Variants in CSTF2 observed in about 807,000 individuals in gnomAD.
CSTF2 encodes cleavage stimulation factor subunit 2.
CSTF2 carries 8 observed loss-of-function variants against 45.4 expected under a neutral mutation model. The observed-to-expected ratio is 0.18, with a 90% CI of 0.10 to 0.32. The LOEUF (loss-of-function observed/expected upper bound fraction) is 0.32. CSTF2 is among the 10% of genes least tolerant of loss of function. The pLI, the probability that CSTF2 is intolerant of heterozygous loss-of-function variation, is 1.00. For synonymous variants in CSTF2, 155 were observed against 158.9 expected (o/e 0.98, Z 0.18); for missense variants, 253 against 477.1 (o/e 0.53, Z 4.38).
chrX:100,822,207 T>C, intron 2 of CSTF2, 44 bp from the exon 3 acceptor site: 8 of 1,094,107 alleles, frequency 7.3e-6, no homozygotes, highest in Non-Finnish European at 1.0e-5. Context: ...AGGAACCCTG[T>C]ATGTGTGTAA....
At position 100,826,054 on chromosome X, in the gene CSTF2, A is replaced by G. The variant is rs145948218; in HGVS notation, c.703-580A>G. The stretch of plus-strand genomic sequence containing the variant: ...CTGTTTCTAATTCAAGGGACTACTC[A>G]GTTTTTTGGGGAATGCACAGATGAA... On this transcript the variant is annotated intron_variant, in intron 6 of 13. Transcript: ENST00000372972. Among the ~76,000 whole-genome samples the G allele has an allele frequency of 5.6e-3, 627 of 111,448 alleles. 3 individuals carry two copies. The highest frequency in any genetic ancestry group is 0.019 in the African/African-American group (582 of 30,704).
At chrX:100,836,527 A>G (rs780503045) in intron 11 of CSTF2, among the ~76,000 whole-genome samples, 36 of 112,044 alleles carry the variant, frequency 3.2e-4, no homozygotes, top group African/African-American at 1.1e-3. Flanking sequence ...GTTTATTAAG[A>G]GAGTACCTAA....
intron 8 of CSTF2, among the ~76,000 whole-genome samples, chrX:100,828,354 A>G (rs1181748170): frequency 8.9e-6 from 1 of 112,071 alleles, no homozygotes; most frequent in East Asian, 2.8e-4. Context: ...AAAAAGATCT[A>G]TTGGACAGTG....
chrX:100,835,018 A>G (rs904308579), intron 11 of CSTF2, among the ~76,000 whole-genome samples: 2 of 111,523 alleles, frequency 1.8e-5, no homozygotes, highest in Non-Finnish European at 3.8e-5. Flanking sequence ...AGAAAATACA[A>G]ATTTTATCTT....
intron 9 of CSTF2, among the ~76,000 whole-genome samples, chrX:100,832,288 C>G (rs191074150): frequency 7.1e-4 from 80 of 112,152 alleles, no homozygotes; most frequent in African/African-American, 2.6e-3. Context: ...GCCTCTGACT[C>G]TGCTCTGAGT....
rs2084987826 is a variant in CSTF2, at chrX:100,833,318, C to T, written c.1346C>T (p.Ala449Val). 8.3e-7 allele frequency: 1 copy of T among 1,207,740 alleles called. No homozygotes were observed. Among genetic ancestry groups the T allele is most frequent in the Non-Finnish European group, 1.1e-6 (1 of 894,022 alleles). ...GAAGCTCGTGCAATGGAGGCCCGAG[C>T]GATGGAGGCCCGTGCAATGGAAGTC... Reference protein sequence around the residue: ...AMEARAMEARAMEARAMEVRG... With the variant: ...AMEARAMEARVMEARAMEVRG... Residue 449 changes from alanine to valine, a missense_variant, in exon 11 of 14, where the codon GCG (alanine) becomes GTG (valine). This residue lies in a region of CSTF2 where 200 missense variants were observed against 294.0 expected (regional missense o/e 0.68). Coordinates refer to ENST00000372972, the MANE Select transcript of CSTF2 (RefSeq NM_001325.3).
chrX:100,839,829 A>G (rs925154773), intron 13 of CSTF2, among the ~76,000 whole-genome samples: 4 of 111,990 alleles, frequency 3.6e-5, no homozygotes, highest in Admixed American at 2.8e-4. Flanking sequence ...ATTACTCCTT[A>G]CTGTTTCTGG....
At chrX:100,835,270 C>T (rs1199154388) in intron 11 of CSTF2, among the ~76,000 whole-genome samples, 2 of 58,447 alleles carry the variant, frequency 3.4e-5, no homozygotes, top group African/African-American at 2.5e-4. Context: ...ATTAGACTCC[C>T]ATCTTTAAAA....
At chrX:100,830,118 T>C (rs1396481418) in intron 8 of CSTF2, among the ~76,000 whole-genome samples, 1 of 112,280 alleles carries the variant, frequency 8.9e-6, no homozygotes, top group African/African-American at 3.2e-5. Context: ...AAGATACTTC[T>C]TGCTTCCCTG....
intron 6 of CSTF2, 100 bp downstream of exon 6, chrX:100,824,357 G>A (rs930393875): frequency 2.2e-6 from 2 of 928,960 alleles, no homozygotes; most frequent in Non-Finnish European, 2.9e-6. Flanking sequence ...AACCAGAGAT[G>A]ATAATTTCAA....
intron 11 of CSTF2, among the ~76,000 whole-genome samples, chrX:100,834,943 C>T (rs1246847239): frequency 1.8e-5 from 2 of 111,333 alleles, no homozygotes; most frequent in Non-Finnish European, 3.8e-5. Flanking sequence ...AACTTATTAC[C>T]CTAATACTAG....
chrX:100,827,642 A>C (rs1213993103), intron 7 of CSTF2, among the ~76,000 whole-genome samples: 2 of 112,101 alleles, frequency 1.8e-5, no homozygotes, highest in Non-Finnish European at 3.8e-5. Context: ...AAATTTCTGC[A>C]AACTCAGGAA....
chrX:100,833,483 C>T lies in CSTF2; in HGVS notation c.1500+11C>T, dbSNP rs760064552. ...CAGGGATCCAGACAGGTATGTGTAA[C>T]ACTGACTTCTGGCATCCAAGTGAAA... On this transcript the variant is annotated intron_variant, in intron 11 of 13. Coordinates refer to ENST00000372972, the MANE Select transcript of CSTF2 (RefSeq NM_001325.3). 8.4e-7 allele frequency: 1 copy of T among 1,188,361 alleles called. No individual in the cohort carries two copies. The highest frequency in any genetic ancestry group is 2.2e-5 in the Admixed American group (1 of 44,541).
chrX:100,822,166 G>A, intron 2 of CSTF2, 85 bp from the exon 3 acceptor site: 1 of 718,814 alleles, frequency 1.4e-6, no homozygotes, highest in Non-Finnish European at 2.1e-6. Context: ...TTATGTTACA[G>A]TGGGCCCAAT....
intron 12 of CSTF2, 63 bp from the exon 13 acceptor site, chrX:100,838,176 T>C: frequency 9.5e-7 from 1 of 1,055,214 alleles, no homozygotes; most frequent in Non-Finnish European, 1.2e-6. Context: ...GTTTTTTGTT[T>C]TGTTTTGTAT....
At chrX:100,826,789 A>G (rs1372468155) in intron 7 of CSTF2, 32 bp downstream of exon 7, 7 of 1,190,438 alleles carry the variant, frequency 5.9e-6, no homozygotes, top group Middle Eastern at 2.5e-4. Flanking sequence ...CCATTTCAGT[A>G]CTTGCTAAAG....
intron 7 of CSTF2, among the ~76,000 whole-genome samples, chrX:100,827,513 G>T (rs905927359): frequency 3.6e-5 from 4 of 111,122 alleles, no homozygotes; most frequent in Non-Finnish European, 5.7e-5. Flanking sequence ...TCTAATCTAG[G>T]GTAGGTTGAG....
chrX:100,832,520 C>G (rs752186600), intron 9 of CSTF2, among the ~76,000 whole-genome samples: 1 of 112,192 alleles, frequency 8.9e-6, no homozygotes, highest in African/African-American at 3.2e-5. Context: ...AATGAATATT[C>G]GTTGATTCCT....
Position 100,831,529 on chromosome X carries a change from C to A in CSTF2, c.904C>A (p.Pro302Thr). 1 of 1,211,614 alleles carries A rather than the reference C, an allele frequency of 8.3e-7. No individual in the cohort carries two copies. Among genetic ancestry groups the A allele is most frequent in the Non-Finnish European group, 1.1e-6 (1 of 895,413 alleles). Reference sequence around the variant, plus strand: ...TTCCCTGTCAGTGCCGATGCAAGACCCCAGAGCAGCTATGCAGCGGGGATC... The same window carrying A: ...TTCCCTGTCAGTGCCGATGCAAGACACCAGAGCAGCTATGCAGCGGGGATC... ...MERGQVPMQD[P>T]RAAMQRGSLP... is the part of the protein sequence containing the mutation. The change falls in exon 9 of 14, where the codon CCC becomes ACC. Residue 302 changes from proline to threonine, a missense_variant. Physicochemically the swap from Pro to Thr is conservative, Grantham distance 38 (BLOSUM62 -1). This residue lies in a region of CSTF2 where 200 missense variants were observed against 294.0 expected (regional missense o/e 0.68). Coordinates refer to ENST00000372972, the MANE Select transcript of CSTF2 (RefSeq NM_001325.3).
Sources: gnomAD v4.1 joint callset for allele counts (sites outside exome capture counted in the v4.1 genomes callset) on GRCh38, gnomAD v4.1.1 for gene constraint, gnomAD v4.1.1 regional missense constraint, MANE v1.5 for transcripts, NCBI Gene and HGNC (gene_info 2026-07-23, HGNC 2026-07-21) for gene names.